Variants in AP3B1 observed in about 807,000 individuals in gnomAD.
The protein encoded by AP3B1 is adaptor related protein complex 3 subunit beta 1.
A neutral mutation model predicts 132.5 loss-of-function variants in AP3B1; 61 were observed. The observed-to-expected ratio is 0.46, with a 90% CI of 0.37 to 0.57. AP3B1 has a LOEUF of 0.57. Ranked by LOEUF, AP3B1 falls within the 20% of genes least tolerant of loss-of-function variation. The pLI is 0.00. For missense variants in AP3B1, 1,120 were observed against 1,289.4 expected (o/e 0.87, Z 2.01); for synonymous variants, 388 against 438.3 (o/e 0.89, Z 1.43).
intron 22 of AP3B1, among the ~76,000 whole-genome samples, chr5:78,070,037 G>T (rs1347851065): frequency 2.6e-5 from 4 of 152,130 alleles, no homozygotes. Flanking sequence ...TGGGAAAACT[G>T]GCTAGCCATA....
intron 7 of AP3B1, among the ~76,000 whole-genome samples, chr5:78,182,300 G>A (rs1011280396): frequency 6.6e-6 from 1 of 152,172 alleles, no homozygotes; most frequent in Non-Finnish European, 1.5e-5. Context: ...CACAGTAATA[G>A]CCACATACAT....
intron 7 of AP3B1, among the ~76,000 whole-genome samples, chr5:78,200,503 C>CA (rs1316257670): frequency 4.0e-5 from 6 of 151,868 alleles, no homozygotes; most frequent in African/African-American, 9.7e-5. Flanking sequence ...ACTAAAAAGA[C>CA]AAAAAATTAG....
At chr5:78,255,501 G>A (rs540585311) in intron 2 of AP3B1, among the ~76,000 whole-genome samples, 9 of 152,124 alleles carry the variant, frequency 5.9e-5, no homozygotes, top group African/African-American at 2.2e-4. Flanking sequence ...AAGAGACAAA[G>A]AAGGTCACTA....
chr5:78,040,027 G>T (rs1748007608), intron 22 of AP3B1, among the ~76,000 whole-genome samples: 1 of 151,760 alleles, frequency 6.6e-6, no homozygotes, highest in Non-Finnish European at 1.5e-5. Context: ...TGAACGTCTG[G>T]ACCTTCATTT....
At chr5:78,051,808 G>A (rs1031826054) in intron 22 of AP3B1, among the ~76,000 whole-genome samples, 3 of 151,954 alleles carry the variant, frequency 2.0e-5, no homozygotes, top group African/African-American at 7.2e-5. Flanking sequence ...AAAATGACGA[G>A]GTAAGAAAAT....
intron 8 of AP3B1, 142 bp downstream of exon 8, chr5:78,181,365 C>T: frequency 1.3e-6 from 1 of 765,510 alleles, no homozygotes. Context: ...ACTGTACTTC[C>T]AACTATCCAT....
chr5:78,112,271 T>C lies in AP3B1; in HGVS notation c.2249+1481A>G, dbSNP rs549013998. 2.8e-4 allele frequency among the ~76,000 whole-genome samples: 42 copies of C among 152,286 alleles called. 1 individual carries two copies. In the East Asian group the frequency reaches 7.7e-3, roughly 28 times the overall value. ...AGCCATGGTAACATCTCAGAGCACA[T>C]GTAATTATATTTGAAGACTGAAAAA... On this transcript the variant is annotated intron_variant, in intron 19 of 26. Transcript: ENST00000255194.
chr5:78,068,125 G>T (rs1429222045), intron 22 of AP3B1, among the ~76,000 whole-genome samples: 1 of 152,144 alleles, frequency 6.6e-6, no homozygotes, highest in Non-Finnish European at 1.5e-5. Flanking sequence ...AGGAGTTGGA[G>T]ACCAGCCTGA....
At chr5:78,032,258 T>A (rs1472177410) in intron 24 of AP3B1, among the ~76,000 whole-genome samples, 1 of 152,204 alleles carries the variant, frequency 6.6e-6, no homozygotes, top group African/African-American at 2.4e-5. Context: ...TAAAAGAGTA[T>A]CTGACAGGCT....
chr5:78,277,943 T>C (rs1748854332), intron 1 of AP3B1, among the ~76,000 whole-genome samples: 1 of 151,826 alleles, frequency 6.6e-6, no homozygotes, highest in South Asian at 2.1e-4. Context: ...TTTGCCATGA[T>C]CTTTATCAAT....
intron 24 of AP3B1, among the ~76,000 whole-genome samples, chr5:78,024,561 ATT>A (rs70997962): frequency 3.4e-4 from 39 of 113,462 alleles, no homozygotes; most frequent in South Asian, 1.1e-3. Context: ...AGCTAATTTA[ATT>A]TTTTTTTTTT....
intron 7 of AP3B1, among the ~76,000 whole-genome samples, chr5:78,198,365 C>T (rs898608932): frequency 2.6e-5 from 4 of 152,112 alleles, no homozygotes; most frequent in African/African-American, 9.7e-5. Context: ...GTGCCTGAAA[C>T]AAGAGACATT....
intron 1 of AP3B1, among the ~76,000 whole-genome samples, chr5:78,270,457 A>G (rs2112566495): frequency 6.6e-6 from 1 of 152,332 alleles, no homozygotes; most frequent in African/African-American, 2.4e-5. Context: ...GCAATTTCCA[A>G]TCAGAGATAC....
rs1471937410 is a variant in AP3B1, at chr5:78,097,600, G to A, written c.2470+3353C>T. 1.4e-5 allele frequency among the ~76,000 whole-genome samples: 2 copies of A among 142,294 alleles called. 1 individual carries two copies. The highest frequency in any genetic ancestry group is 3.1e-5 in the Non-Finnish European group (2 of 64,566). 93.4% of individuals were successfully genotyped at this position (142,294 alleles called of 152,430 possible). A position where few individuals can be genotyped will look rare whatever the true frequency, so the allele number is the denominator to read the frequency against. The stretch of plus-strand genomic sequence containing the variant: ...CCCGGCCAGCCGCCCCGTCCGGGAG[G>A]GAGGTGGGGGGGTCAGCCCCCTGCC... On this transcript the variant is annotated intron_variant, in intron 21 of 26. Transcript: ENST00000255194.
chr5:78,126,322 T>C (rs929412742), intron 17 of AP3B1, among the ~76,000 whole-genome samples: 2 of 151,734 alleles, frequency 1.3e-5, no homozygotes, highest in East Asian at 3.9e-4. Flanking sequence ...CTGGCCAACA[T>C]GGCGAAACCC....
intron 22 of AP3B1, among the ~76,000 whole-genome samples, chr5:78,049,433 G>C (rs1333765837): frequency 6.6e-6 from 1 of 152,140 alleles, no homozygotes; most frequent in African/African-American, 2.4e-5. Context: ...CTGTGCTAAG[G>C]AGTATGATAC....
At chr5:78,258,770 AG>A (rs796339392) in intron 2 of AP3B1, among the ~76,000 whole-genome samples, 26 of 152,370 alleles carry the variant, frequency 1.7e-4, no homozygotes, top group African/African-American at 4.6e-4. Flanking sequence ...TGTTGCCAAA[AG>A]CTAAGATTTG....
chr5:78,169,588 C>G (rs1317783716), intron 11 of AP3B1, among the ~76,000 whole-genome samples: 2 of 152,008 alleles, frequency 1.3e-5, no homozygotes, highest in African/African-American at 2.4e-5. Flanking sequence ...GCCACCACGC[C>G]TGGCTAATTT....
At chr5:78,023,885 A>G (rs1055080654) in intron 24 of AP3B1, among the ~76,000 whole-genome samples, 1 of 152,224 alleles carries the variant, frequency 6.6e-6, no homozygotes. Context: ...GAGAATGAAG[A>G]AGCAAAGGAA....
Sources: gnomAD v4.1 joint callset for allele counts (sites outside exome capture counted in the v4.1 genomes callset) on GRCh38, gnomAD v4.1.1 for gene constraint, MANE v1.5 for transcripts, NCBI Gene and HGNC (gene_info 2026-07-23, HGNC 2026-07-21) for gene names.